Variants in ZC4H2 observed in about 807,000 individuals in gnomAD.
The protein encoded by ZC4H2 is zinc finger C4H2 domain-containing protein.
For missense variants in ZC4H2, 137 were observed against 173.9 expected (o/e 0.79, Z 1.19); for synonymous variants, 84 against 66.3 (o/e 1.27, Z -1.30).
At chrX:65,026,559 A>G (rs1232783630) in intron 1 of ZC4H2, among the ~76,000 whole-genome samples, 3 of 110,538 alleles carry the variant, frequency 2.7e-5, no homozygotes, top group Non-Finnish European at 5.7e-5. Flanking sequence ...AATACAAAAA[A>G]TTAGCCAGGC....
chrX:64,998,773 T>G (rs1392389985), intron 1 of ZC4H2, among the ~76,000 whole-genome samples: 1 of 111,232 alleles, frequency 9.0e-6, no homozygotes, highest in East Asian at 2.8e-4. Context: ...TTTTACTTCA[T>G]ATATTTTGAT....
chrX:64,943,959 T>C (rs1930409978), intron 1 of ZC4H2, among the ~76,000 whole-genome samples: 1 of 110,509 alleles, frequency 9.0e-6, no homozygotes, highest in Non-Finnish European at 1.9e-5. Flanking sequence ...GTTTTTGCAG[T>C]GGCTGGTACC....
intron 1 of ZC4H2, among the ~76,000 whole-genome samples, chrX:64,964,997 A>G (rs186063029): frequency 8.9e-6 from 1 of 112,224 alleles, no homozygotes; most frequent in African/African-American, 3.2e-5. Flanking sequence ...ATTATAGCTA[A>G]TAAGTCATAA....
chrX:64,918,115 TA>T, intron 4 of ZC4H2: 1 of 355,358 alleles, frequency 2.8e-6, no homozygotes, highest in Non-Finnish European at 4.7e-6. Flanking sequence ...TATACAAAAC[TA>T]GAAAGTAAGG....
At chrX:64,921,710 G>A (rs1447252667) in intron 2 of ZC4H2, 107 bp downstream of exon 2, 7 of 895,976 alleles carry the variant, frequency 7.8e-6, no homozygotes, top group Non-Finnish European at 1.1e-5. Flanking sequence ...CTGCACTGAT[G>A]CCTGCTCCCC....
At chrX:64,960,975 T>C (rs1017991876) in intron 1 of ZC4H2, among the ~76,000 whole-genome samples, 6 of 111,596 alleles carry the variant, frequency 5.4e-5, no homozygotes, top group Admixed American at 1.9e-4. Flanking sequence ...ATTTGGTCTG[T>C]AGTGTTTCTT....
rs774120138 is a variant in ZC4H2, at chrX:64,987,687, G to T, written c.-272+46942C>A. ...CCTTTTGGATCTAGGACTAAGCAAA[G>T]GATTTTTTTTTTTGGACTCATCTCA... On this transcript the variant is annotated intron_variant, in intron 1 of 4. Coordinates refer to the ZC4H2 transcript ENST00000337990. Among the ~76,000 whole-genome samples the T allele has an allele frequency of 2.7e-5, 3 of 109,093 alleles. No homozygotes were observed. In the South Asian group the frequency reaches 1.2e-3, roughly 44 times the overall value. The allele number at this position is 109,093 out of a possible 115,157, so 94.7% of individuals were successfully genotyped here.
intron 1 of ZC4H2, among the ~76,000 whole-genome samples, chrX:64,982,028 A>C (rs1932092685): frequency 9.0e-6 from 1 of 111,707 alleles, no homozygotes; most frequent in Non-Finnish European, 1.9e-5. Flanking sequence ...ATTTCAGGGA[A>C]CAAAGATCTG....
At chrX:65,019,987 A>G (rs1392611577) in intron 1 of ZC4H2, among the ~76,000 whole-genome samples, 1 of 111,843 alleles carries the variant, frequency 8.9e-6, no homozygotes, top group Non-Finnish European at 1.9e-5. Flanking sequence ...AGATTAGAGA[A>G]AAAAGAGTGA....
At chrX:65,012,031 T>C (rs1001588556) in intron 1 of ZC4H2, among the ~76,000 whole-genome samples, 1 of 108,004 alleles carries the variant, frequency 9.3e-6, no homozygotes, top group Non-Finnish European at 1.9e-5. Flanking sequence ...TACATTAATG[T>C]AGTTGTTTGG....
intron 2 of ZC4H2, among the ~76,000 whole-genome samples, chrX:64,920,729 T>C (rs1251982888): frequency 8.9e-6 from 1 of 112,277 alleles, no homozygotes; most frequent in Non-Finnish European, 1.9e-5. Flanking sequence ...TCTTTTCTCC[T>C]AGATCAGTGA....
At chrX:64,920,873 C>T (rs929222628) in intron 2 of ZC4H2, among the ~76,000 whole-genome samples, 4 of 112,533 alleles carry the variant, frequency 3.6e-5, no homozygotes, top group Non-Finnish European at 5.6e-5. Context: ...GTCTTAGGCT[C>T]TCAAAGTGGC....
intron 1 of ZC4H2, among the ~76,000 whole-genome samples, chrX:64,975,490 G>C (rs190158303): frequency 1.8e-5 from 2 of 112,199 alleles, no homozygotes; most frequent in South Asian, 3.7e-4. Flanking sequence ...CTCAGAGTGA[G>C]AGCAAAAGCC....
intron 1 of ZC4H2, among the ~76,000 whole-genome samples, chrX:64,948,936 G>A (rs1280712776): frequency 8.9e-6 from 1 of 111,782 alleles, no homozygotes; most frequent in Non-Finnish European, 1.9e-5. Context: ...AACAAATTTT[G>A]TCTGTAAACA....
chrX:64,967,913 C>T (rs773159614), intron 1 of ZC4H2, among the ~76,000 whole-genome samples: 2 of 111,756 alleles, frequency 1.8e-5, no homozygotes, highest in Admixed American at 9.5e-5. Flanking sequence ...TGGCCATAAG[C>T]GGGGCTCAAT....
intron 1 of ZC4H2, among the ~76,000 whole-genome samples, chrX:64,942,489 A>T (rs1458493125): frequency 9.2e-5 from 4 of 43,664 alleles, no homozygotes; most frequent in Admixed American, 5.3e-4. Flanking sequence ...TTGCCCCCCC[A>T]CCCCCCAACA....
chrX:64,951,475 T>C (rs999283499), intron 1 of ZC4H2, among the ~76,000 whole-genome samples: 1 of 112,026 alleles, frequency 8.9e-6, no homozygotes, highest in Non-Finnish European at 1.9e-5. Flanking sequence ...GTTTCCTGAC[T>C]TTTTAATGAT....
intron 1 of ZC4H2, among the ~76,000 whole-genome samples, chrX:64,938,589 G>A (rs1191157240): frequency 4.5e-5 from 5 of 111,647 alleles, no homozygotes; most frequent in Non-Finnish European, 7.5e-5. Context: ...TATCCACTAC[G>A]ATCAAGTTGG....
At chrX:64,920,916 C>T (rs1011200509) in intron 2 of ZC4H2, among the ~76,000 whole-genome samples, 3 of 112,565 alleles carry the variant, frequency 2.7e-5, no homozygotes, top group Non-Finnish European at 5.6e-5. Context: ...GATCCACTGG[C>T]TTATATTCTT....
Sources: gnomAD v4.1 joint callset for allele counts (sites outside exome capture counted in the v4.1 genomes callset) on GRCh38, gnomAD v4.1.1 for gene constraint, MANE v1.5 for transcripts, NCBI Gene and HGNC (gene_info 2026-07-23, HGNC 2026-07-21) for gene names.